The following CMTM4 variants were observed in gnomAD, a reference collection of about 807,000 sequenced individuals.
CMTM4 encodes CKLF-like MARVEL transmembrane domain-containing protein 4.
In CMTM4, 8 loss-of-function variants were observed where a neutral mutation model predicts 19.0. That is an observed-to-expected ratio of 0.42 (90% CI 0.25 to 0.76). The LOEUF (loss-of-function observed/expected upper bound fraction) is 0.76, where lower values mean the gene tolerates loss of function less well. Ranked by LOEUF, CMTM4 falls within the 30% of genes least tolerant of loss-of-function variation. The pLI, the probability that CMTM4 is intolerant of heterozygous loss-of-function variation, is 0.27. For missense variants in CMTM4, 228 were observed against 290.2 expected (o/e 0.79, Z 1.56); for synonymous variants, 106 against 121.1 (o/e 0.88, Z 0.82).
At position 66,615,720 on chromosome 16, in the gene CMTM4, A is replaced by G. The variant is rs1466417212; in HGVS notation, c.*6338T>C. ...CAGGCCAGAGAATACACTTGGGCTC[A>G]GTTCACCAGCCCAAACCACAGGGGA... On this transcript the variant is annotated 3_prime_UTR_variant, in exon 4 of 4. Transcript: ENST00000394106. This position sits in a 1 kb window ranked among gnomAD's most constrained non-coding sequence, Gnocchi z 4.9. 6.6e-6 allele frequency: 1 copy of G among 152,294 alleles called. No individual in the cohort carries two copies. Among genetic ancestry groups the G allele is most frequent in the Admixed American group, 6.5e-5 (1 of 15,284 alleles). 9.4% of individuals were successfully genotyped at this position (152,294 alleles called of 1,614,324 possible).
At chr16:66,649,937 T>C (rs2016279611) in intron 1 of CMTM4, among the ~76,000 whole-genome samples, 1 of 152,164 alleles carries the variant, frequency 6.6e-6, no homozygotes, top group South Asian at 2.1e-4. Context: ...ACTTGGAGAC[T>C]CTCTGTGCTT....
intron 1 of CMTM4, among the ~76,000 whole-genome samples, chr16:66,651,876 AAAT>A (rs1271050533): frequency 6.6e-6 from 1 of 152,374 alleles, no homozygotes; most frequent in East Asian, 1.9e-4. Flanking sequence ...AGCAATGAGC[AAAT>A]AATGTTTGGT....
chr16:66,625,250 C>G (rs1322029847), intron 2 of CMTM4, among the ~76,000 whole-genome samples: 1 of 151,858 alleles, frequency 6.6e-6, no homozygotes, highest in African/African-American at 2.4e-5. Flanking sequence ...GCCTGACCAA[C>G]ATGGAAAAAC....
In CMTM4 at chr16:66,615,209, T is replaced by G. The variant is rs1386093388; in HGVS notation, c.*6849A>C. ...AGTTGTTAACATTGCCCCCCAAAAG[T>G]GCCACCAGGTGAAGTACCACGGAGA... On this transcript the variant is annotated 3_prime_UTR_variant, in exon 4 of 4. Coordinates refer to ENST00000394106, the MANE Select transcript of CMTM4 (RefSeq NM_181521.3). The surrounding 1 kb of genome is among the most constrained non-coding windows in gnomAD (Gnocchi z 4.9). The G allele has an allele frequency of 1.3e-5, 2 of 152,234 alleles. No individual in the cohort carries two copies. Among genetic ancestry groups the G allele is most frequent in the Non-Finnish European group, 2.9e-5 (2 of 68,044 alleles). 9.4% of individuals were successfully genotyped at this position (152,234 alleles called of 1,614,324 possible). A position where few individuals can be genotyped will look rare whatever the true frequency, so the allele number is the denominator to read the frequency against.
At position 66,621,977 on chromosome 16, in the gene CMTM4, G is replaced by A; in HGVS notation, c.*81C>T. ...GGACAAAATTCAACTGAATCACATG[G>A]AAATCTGACAGGACAAGGGAAAGAA... On this transcript the variant is annotated 3_prime_UTR_variant, in exon 4 of 4. Coordinates refer to ENST00000394106, the MANE Select transcript of CMTM4 (RefSeq NM_181521.3). 6.7e-7 allele frequency: 1 copy of A among 1,486,182 alleles called. No individual in the cohort carries two copies. The allele number at this position is 1,486,182 out of a possible 1,614,324, so 92.1% of individuals were successfully genotyped here. A position where few individuals can be genotyped will look rare whatever the true frequency, so the allele number is the denominator to read the frequency against.
At chr16:66,664,310 G>A (rs1269004060) in intron 1 of CMTM4, among the ~76,000 whole-genome samples, 3 of 151,874 alleles carry the variant, frequency 2.0e-5, no homozygotes, top group Non-Finnish European at 2.9e-5. Context: ...TAAATGAAAC[G>A]CTATGAGGTT....
intron 1 of CMTM4, among the ~76,000 whole-genome samples, chr16:66,649,459 C>CATCTATCCATCT (rs1555500125): frequency 1.3e-5 from 2 of 149,498 alleles, no homozygotes; most frequent in African/African-American, 4.9e-5. Flanking sequence ...TCTATCTATC[C>CATCTATCCATCT]ATCTATCTAT....
chr16:66,630,463 C>G (rs373353667), intron 2 of CMTM4, among the ~76,000 whole-genome samples: 1 of 151,394 alleles, frequency 6.6e-6, no homozygotes, highest in African/African-American at 2.4e-5. Context: ...CTCAGCCTGC[C>G]GAGTGCCTGG....
chr16:66,600,206 G>A, the CMTM4 span, among the ~76,000 whole-genome samples: 7 of 147,928 alleles, frequency 4.7e-5, no homozygotes, highest in Non-Finnish European at 1.0e-4. Context: ...GCAGTGGCAC[G>A]ATCTCAGCTC....
At chr16:66,679,446 A>G (rs988273893) in intron 1 of CMTM4, among the ~76,000 whole-genome samples, 7 of 152,130 alleles carry the variant, frequency 4.6e-5, no homozygotes, top group African/African-American at 1.7e-4. Flanking sequence ...GAATTATGCA[A>G]AAAGGGTTCT....
chr16:66,630,132 C>A lies in CMTM4; in HGVS notation c.363+6273G>T, dbSNP rs1003985569. ...TCTAAAGTGGGGCCATCTTGTGGGA[C>A]TGGGCCCTCGTCTGTGGGATCTGTG... On this transcript the variant is annotated intron_variant, in intron 2 of 3. Transcript: ENST00000394106. Among the ~76,000 whole-genome samples the A allele has an allele frequency of 3.6e-4, 54 of 152,060 alleles. 1 individual carries two copies. The highest frequency in any genetic ancestry group is 4.3e-4 in the Non-Finnish European group (29 of 68,008).
chr16:66,622,607 T>G lies in CMTM4; in HGVS notation c.463-385A>C, dbSNP rs1022750526. 2.0e-5 allele frequency among the ~76,000 whole-genome samples: 3 copies of G among 152,176 alleles called. No individual in the cohort carries two copies. Among genetic ancestry groups the G allele is most frequent in the African/African-American group, 4.8e-5 (2 of 41,430 alleles). ...ACAAAAGTACCTCTTTTACTGCAAC[T>G]TCAGGGCCTCTGGTCCCAGATGAGA... On this transcript the variant is annotated intron_variant, in intron 3 of 3. Coordinates refer to ENST00000394106, the MANE Select transcript of CMTM4 (RefSeq NM_181521.3). The surrounding 1 kb of genome is among the most constrained non-coding windows in gnomAD (Gnocchi z 4.0).
At chr16:66,683,184 T>C (rs1176077004) in intron 1 of CMTM4, among the ~76,000 whole-genome samples, 5 of 94,914 alleles carry the variant, frequency 5.3e-5, no homozygotes, top group Admixed American at 1.3e-4. Flanking sequence ...TACATATGTA[T>C]ATATATATAC....
intron 1 of CMTM4, among the ~76,000 whole-genome samples, chr16:66,679,184 GAAGTA>G (rs2016862939): frequency 6.6e-6 from 1 of 151,468 alleles, no homozygotes; most frequent in South Asian, 2.1e-4. Flanking sequence ...GCTGTTCTAA[GAAGTA>G]AAGAAAAAAA....
intron 1 of CMTM4, among the ~76,000 whole-genome samples, chr16:66,683,189 A>ACG (rs1462551359): frequency 5.2e-5 from 5 of 95,252 alleles, no homozygotes; most frequent in East Asian, 3.6e-4. Context: ...ATGTATATAT[A>ACG]TATACATATA....
At chr16:66,604,632 G>A in the CMTM4 span, 1 of 451,824 alleles carries the variant, frequency 2.2e-6, no homozygotes, top group Non-Finnish European at 3.5e-6. Context: ...GTCCGAGGGG[G>A]AGGGGCGGGC....
In CMTM4 at chr16:66,696,603, TCGCCGCCGC is replaced by T. The variant is rs534268840; in HGVS notation, c.-87_-79del. 8.1e-3 allele frequency: 6,604 copies of T among 814,848 alleles called. 40 individuals carry two copies. The highest frequency in any genetic ancestry group is 9.1e-3 in the Non-Finnish European group (6,122 of 675,362). 50.5% of individuals were successfully genotyped at this position (814,848 alleles called of 1,614,324 possible). ...GGGCGGACTCAGCGGGGCCGCCGCA[TCGCCGCCGC>T]CGCCGCCGCCGCCGCCGCCCGACTG... On this transcript the variant is annotated 5_prime_UTR_variant, in exon 1 of 4. Coordinates refer to ENST00000394106, the MANE Select transcript of CMTM4 (RefSeq NM_181521.3). This position sits in a 1 kb window ranked among gnomAD's most constrained non-coding sequence, Gnocchi z 4.3.
the CMTM4 span, among the ~76,000 whole-genome samples, chr16:66,601,131 GTGTT>G: frequency 1.3e-4 from 19 of 151,482 alleles, no homozygotes; most frequent in Admixed American, 9.2e-4. Flanking sequence ...GTGTGTGTGT[GTGTT>G]TATCTTTGTG....
At chr16:66,607,025 G>T in the CMTM4 span, among the ~76,000 whole-genome samples, 1 of 152,200 alleles carries the variant, frequency 6.6e-6, no homozygotes, top group African/African-American at 2.4e-5. Flanking sequence ...CTATCTGGGG[G>T]GTCAGCCAGC....
Sources: allele counts gnomAD v4.1 joint callset (sites outside exome capture counted in the v4.1 genomes callset), GRCh38; gene constraint gnomAD v4.1.1; non-coding constraint Gnocchi (gnomAD v3.1); transcripts MANE v1.5; gene names NCBI Gene and HGNC (gene_info 2026-07-23, HGNC 2026-07-21).